The following TRHDE variants were observed in gnomAD, a reference collection of about 807,000 sequenced individuals.
TRHDE encodes the protein thyrotropin releasing hormone degrading enzyme, also known as thyrotropin-releasing hormone-degrading ectoenzyme.
A neutral mutation model predicts 125.7 loss-of-function variants in TRHDE; 72 were observed. The ratio of observed to expected loss-of-function variants is 0.57; its 90% CI spans 0.47 to 0.70. The LOEUF (loss-of-function observed/expected upper bound fraction) is 0.70, where lower values mean the gene tolerates loss of function less well. TRHDE is among the 30% of genes least tolerant of loss of function. The probability of loss-of-function intolerance (pLI) is 0.00; values close to 1 mark genes in which losing one functional copy is unlikely to be tolerated. For synonymous variants in TRHDE, 509 were observed against 509.1 expected, an observed-to-expected ratio of 1.00 and a Z score of 0.00; for missense variants, 1,110 against 1,327.1, an observed-to-expected ratio of 0.84 and a Z score of 2.54.
At position 72,499,576 on chromosome 12, in the gene TRHDE, C is replaced by A. The variant is rs1300834198; in HGVS notation, c.1663C>A (p.Gln555Lys). Residue 555 changes from glutamine to lysine, a missense_variant, in exon 6 of 19, where the codon CAG becomes AAG. Around this residue, in one of 5 missense-constraint regions of TRHDE, gnomAD observed 527 missense variants for 651.8 expected, o/e 0.81. Coordinates refer to ENST00000261180, the MANE Select transcript of TRHDE (RefSeq NM_013381.3). ...TTTGGCCAGTTCCCATCCAGTATCACAGGAAGTGCTGCAGGCAACAGATAT... is the reference window on the plus strand; with the variant it reads ...TTTGGCCAGTTCCCATCCAGTATCAAAGGAAGTGCTGCAGGCAACAGATAT... ...DGLASSHPVSQEVLQATDIDR... is the reference protein window; with the variant it reads ...DGLASSHPVSKEVLQATDIDR... The A allele has an allele frequency of 6.2e-7, 1 of 1,613,852 alleles. No individual in the cohort carries two copies. The highest frequency in any genetic ancestry group is 1.7e-5 in the Admixed American group (1 of 59,956).
chr12:72,524,727 A>C (rs1434397555), intron 6 of TRHDE, among the ~76,000 whole-genome samples: 2 of 152,132 alleles, frequency 1.3e-5, no homozygotes, highest in East Asian at 3.9e-4. Flanking sequence ...ATGGATGCTT[A>C]ATGAGAAAGT....
At position 72,421,883 on chromosome 12, in the gene TRHDE, A is replaced by G. The variant is rs183221419; in HGVS notation, c.1315+43762A>G. 7.4e-4 allele frequency among the ~76,000 whole-genome samples: 113 copies of G among 152,264 alleles called. 1 individual carries two copies. Among genetic ancestry groups the G allele is most frequent in the Non-Finnish European group, 1.3e-3 (89 of 68,008 alleles). On this transcript the variant is annotated intron_variant, in intron 3 of 18. Coordinates refer to ENST00000261180, the MANE Select transcript of TRHDE (RefSeq NM_013381.3). The stretch of plus-strand genomic sequence containing the variant: ...TCACTGCCTCTGGATATTTTTGTAA[A>G]AGCTGTAATGGTTATATACTCATAT...
intron 2 of TRHDE, among the ~76,000 whole-genome samples, chr12:72,153,127 G>A (rs986866787): frequency 6.6e-6 from 1 of 152,144 alleles, no homozygotes; most frequent in Non-Finnish European, 1.5e-5. Context: ...AGTCTTGGGA[G>A]GGTGCATATG....
chr12:72,459,966 G>T (rs1876049032), intron 3 of TRHDE, among the ~76,000 whole-genome samples: 2 of 152,122 alleles, frequency 1.3e-5, no homozygotes, highest in African/African-American at 4.8e-5. Context: ...ATTCCCAAGA[G>T]TGACACACAC....
intron 3 of TRHDE, among the ~76,000 whole-genome samples, chr12:72,463,663 G>A (rs1194042400): frequency 6.6e-6 from 1 of 152,182 alleles, no homozygotes; most frequent in East Asian, 1.9e-4. Context: ...AGGGCTTAGA[G>A]GAGCTCAAAG....
At chr12:72,576,061 TTAA>T (rs1054392800) in intron 12 of TRHDE, among the ~76,000 whole-genome samples, 9 of 152,134 alleles carry the variant, frequency 5.9e-5, no homozygotes, top group Non-Finnish European at 1.3e-4. Flanking sequence ...TTGTGTTATT[TTAA>T]TAATTAGATT....
chr12:72,272,843 C>T lies in TRHDE; in HGVS notation c.200C>T (p.Ser67Leu), dbSNP rs771375949. Residue 67 changes from serine (S) to leucine (L), a missense_variant, in exon 1 of 19, where the codon TCA becomes TTA. By Grantham distance (145) the Ser-to-Leu change is moderately radical. This residue lies in a region of TRHDE where 248 missense variants were observed against 240.8 expected (regional missense o/e 1.03). Coordinates refer to ENST00000261180, the MANE Select transcript of TRHDE (RefSeq NM_013381.3). This position sits in a 1 kb window ranked among gnomAD's most constrained non-coding sequence, Gnocchi z 6.7. ...SRGLSDPWAD[S>L]VGVRPRTTER... ...GGGCTCTCCGACCCGTGGGCAGACT[C>T]AGTGGGAGTGCGACCCCGCACCACG... 5 of 1,584,104 alleles carry T rather than the reference C, an allele frequency of 3.2e-6. No homozygotes were observed. Among genetic ancestry groups the T allele is most frequent in the Middle Eastern group, 1.8e-4 (1 of 5,466 alleles).
intron 2 of TRHDE, among the ~76,000 whole-genome samples, chr12:72,374,932 C>T (rs149925011): frequency 2.0e-5 from 3 of 152,136 alleles, no homozygotes; most frequent in Non-Finnish European, 2.9e-5. Context: ...TGTTAACTGA[C>T]ATGTTCACCT....
intron 1 of TRHDE, among the ~76,000 whole-genome samples, chr12:72,281,771 C>G (rs1009870697): frequency 1.3e-5 from 2 of 152,156 alleles, no homozygotes; most frequent in African/African-American, 4.8e-5. Flanking sequence ...GTATCACATA[C>G]TGTAATTTGT....
At chr12:72,196,010 A>G (rs531876062) in intron 2 of TRHDE, among the ~76,000 whole-genome samples, 1 of 152,012 alleles carries the variant, frequency 6.6e-6, no homozygotes, top group Non-Finnish European at 1.5e-5. Context: ...ATTTTTGTCG[A>G]CTTTGTCAAG....
intron 3 of TRHDE, among the ~76,000 whole-genome samples, chr12:72,410,931 G>A (rs1055700055): frequency 4.0e-5 from 6 of 151,654 alleles, no homozygotes; most frequent in Non-Finnish European, 7.4e-5. Flanking sequence ...GGTGGCTCAC[G>A]CCTGTAATCC....
chr12:72,313,952 GC>G (rs1414519764), intron 2 of TRHDE, among the ~76,000 whole-genome samples: 1 of 152,134 alleles, frequency 6.6e-6, no homozygotes, highest in Non-Finnish European at 1.5e-5. Context: ...TGTGTGTGCA[GC>G]GTCCGTTTGC....
At chr12:72,548,586 A>T (rs1360018349) in intron 7 of TRHDE, among the ~76,000 whole-genome samples, 1 of 151,742 alleles carries the variant, frequency 6.6e-6, no homozygotes, top group Non-Finnish European at 1.5e-5. Flanking sequence ...TCAAGTAATT[A>T]TTCTTTTGGA....
intron 2 of TRHDE, among the ~76,000 whole-genome samples, chr12:72,126,626 G>T (rs920525347): frequency 1.3e-5 from 2 of 152,166 alleles, no homozygotes; most frequent in South Asian, 4.1e-4. Context: ...TTTAATAAAT[G>T]GTGCTGGGAT....
chr12:72,474,725 A>G lies in TRHDE; in HGVS notation c.1584+1545A>G, dbSNP rs182905861. The stretch of plus-strand genomic sequence containing the variant: ...CTGCTCTCTTTTGATGTTCTAAAGT[A>G]GTAATAGGCAGTTATCTACTTGTCT... On this transcript the variant is annotated intron_variant, in intron 5 of 18. Transcript: ENST00000261180. Among the ~76,000 whole-genome samples, 129 of 152,188 alleles carry G rather than the reference A, an allele frequency of 8.5e-4. 1 individual carries two copies. Among genetic ancestry groups the G allele is most frequent in the Middle Eastern group, 6.8e-3 (2 of 294 alleles).
chr12:72,495,723 C>T (rs949990975), intron 5 of TRHDE, among the ~76,000 whole-genome samples: 1 of 152,066 alleles, frequency 6.6e-6, no homozygotes, highest in African/African-American at 2.4e-5. Context: ...TAATTTAATA[C>T]ATATGTGTTA....
At chr12:72,444,307 T>C (rs1349973348) in intron 3 of TRHDE, among the ~76,000 whole-genome samples, 1 of 151,912 alleles carries the variant, frequency 6.6e-6, no homozygotes, top group Non-Finnish European at 1.5e-5. Context: ...CTTATTCTAA[T>C]TGCACTGTAA....
intron 12 of TRHDE, among the ~76,000 whole-genome samples, chr12:72,584,592 A>G (rs1871367652): frequency 6.6e-6 from 1 of 152,274 alleles, no homozygotes; most frequent in East Asian, 1.9e-4. Context: ...CCACTGTTCT[A>G]GTCTCTATTT....
chr12:72,576,687 C>G (rs1320969609), intron 12 of TRHDE, among the ~76,000 whole-genome samples: 1 of 152,014 alleles, frequency 6.6e-6, no homozygotes, highest in African/African-American at 2.4e-5. Context: ...TTTTGCCTCC[C>G]TTATTGCTAC....
Sources: gnomAD v4.1 joint callset for allele counts (sites outside exome capture counted in the v4.1 genomes callset) on GRCh38, gnomAD v4.1.1 for gene constraint, gnomAD v4.1.1 regional missense constraint, Gnocchi (gnomAD v3.1) non-coding constraint, MANE v1.5 for transcripts, NCBI Gene and HGNC (gene_info 2026-07-23, HGNC 2026-07-21) for gene names.